Variants in YES1 observed in about 807,000 individuals in gnomAD.
YES1 encodes the protein tyrosine-protein kinase Yes.
Under a neutral mutation model 70.4 loss-of-function variants are expected in YES1, and 39 were observed. The observed-to-expected ratio is 0.55, with a 90% CI of 0.43 to 0.72. YES1 has a LOEUF of 0.72. Ranked by LOEUF, YES1 falls within the 30% of genes least tolerant of loss-of-function variation. The pLI, the probability that YES1 is intolerant of heterozygous loss-of-function variation, is 0.00. For missense variants in YES1, 495 were observed against 644.8 expected, an observed-to-expected ratio of 0.77 and a Z score of 2.52; for synonymous variants, 198 against 218.6, an observed-to-expected ratio of 0.91 and a Z score of 0.83.
At chr18:746,855 A>G (rs569071351) in intron 4 of YES1, among the ~76,000 whole-genome samples, 2 of 152,278 alleles carry the variant, frequency 1.3e-5, no homozygotes, top group South Asian at 2.1e-4. Context: ...AGGTTCCCCA[A>G]TGGCTAACAT....
chr18:743,161 C>A, intron 7 of YES1, 64 bp from the exon 8 acceptor site: 3 of 1,547,616 alleles, frequency 1.9e-6, no homozygotes, highest in Non-Finnish European at 2.6e-6. Flanking sequence ...CTTCAGTGAA[C>A]AGCACTTCTC....
At chr18:779,222 G>A (rs1180855240) in intron 1 of YES1, among the ~76,000 whole-genome samples, 2 of 151,852 alleles carry the variant, frequency 1.3e-5, no homozygotes, top group Admixed American at 1.3e-4. Flanking sequence ...GGCAACAAAA[G>A]GAGACCCCCG....
rs561972515 is a variant in YES1 at position 800,045 on chromosome 18, G to A, written c.-9+12069C>T. ...TTTAACATTTACAAGCTATTAAACT[G>A]CATCAAACCTTAGTTTCTCCATCAG... On this transcript the variant is annotated intron_variant, in intron 1 of 11. Coordinates refer to ENST00000314574, the MANE Select transcript of YES1 (RefSeq NM_005433.4). Among the ~76,000 whole-genome samples the A allele has an allele frequency of 3.9e-5, 6 of 152,308 alleles. No homozygotes were observed. The East Asian group carries it at 1.2e-3, about 29-fold the overall frequency.
chr18:736,946 C>T lies in YES1; in HGVS notation c.1153G>A (p.Ala385Thr). ...ATATAGTTCATTCTTTCAATATATGCCATACCATCAGCAATCTTGGAAAGA... is the reference window on the plus strand; with the variant it reads ...ATATAGTTCATTCTTTCAATATATGTCATACCATCAGCAATCTTGGAAAGA... ...DMAAQIADGM[A>T]YIERMNYIHR... The change falls in exon 10 of 12, where the codon GCA becomes ACA. Residue 385 changes from alanine to threonine, a missense_variant. Physicochemically the swap from Ala to Thr is moderately conservative, Grantham distance 58. Around this residue, in one of 2 missense-constraint regions of YES1, gnomAD observed 385 missense variants for 540.9 expected, o/e 0.71. Transcript: ENST00000314574. 2 of 1,607,124 alleles carry T rather than the reference C, an allele frequency of 1.2e-6. No individual in the cohort carries two copies. The highest frequency in any genetic ancestry group is 8.5e-7 in the Non-Finnish European group (1 of 1,179,168).
At chr18:791,035 G>C (rs560385698) in intron 1 of YES1, among the ~76,000 whole-genome samples, 3 of 151,994 alleles carry the variant, frequency 2.0e-5, no homozygotes, top group African/African-American at 4.8e-5. Flanking sequence ...GGATCATCTG[G>C]GGTCAAGAGT....
chr18:754,712 CA>C (rs35530008), intron 2 of YES1, among the ~76,000 whole-genome samples: 77,517 of 135,252 alleles, frequency 0.57, 21,529 homozygotes, highest in East Asian at 0.69. Flanking sequence ...ACTCCAACTC[CA>C]AAAAAAAAAA....
At chr18:771,302 G>A (rs781542012) in intron 1 of YES1, among the ~76,000 whole-genome samples, 2 of 152,050 alleles carry the variant, frequency 1.3e-5, no homozygotes, top group East Asian at 3.8e-4. Flanking sequence ...AGGAGGCGGA[G>A]GTTGCAGTGA....
intron 1 of YES1, among the ~76,000 whole-genome samples, chr18:785,519 T>C (rs888252943): frequency 6.6e-6 from 1 of 152,174 alleles, no homozygotes; most frequent in African/African-American, 2.4e-5. Flanking sequence ...ATTCTGGTAG[T>C]AGGGCTGTGG....
intron 2 of YES1, among the ~76,000 whole-genome samples, chr18:754,841 T>A (rs1279721792): frequency 6.6e-6 from 1 of 152,162 alleles, no homozygotes; most frequent in Non-Finnish European, 1.5e-5. Context: ...TAATCATCCA[T>A]CCTGTTTAGC....
chr18:758,115 AAG>A (rs1904387960), intron 1 of YES1, among the ~76,000 whole-genome samples: 1 of 152,212 alleles, frequency 6.6e-6, no homozygotes, highest in African/African-American at 2.4e-5. Flanking sequence ...AAAAAATACA[AAG>A]AAACAGGTAA....
intron 1 of YES1, among the ~76,000 whole-genome samples, chr18:787,362 A>C (rs368807660): frequency 1.9e-4 from 29 of 151,264 alleles, no homozygotes; most frequent in African/African-American, 6.8e-4. Flanking sequence ...GCCTCCCAAA[A>C]TGCTGGGGTA....
intron 1 of YES1, among the ~76,000 whole-genome samples, chr18:780,277 T>C (rs982798763): frequency 6.6e-6 from 1 of 152,070 alleles, no homozygotes; most frequent in African/African-American, 2.4e-5. Context: ...TGTGGCAGTA[T>C]TGAAAGGGAG....
At chr18:746,588 A>G (rs931072453) in intron 4 of YES1, among the ~76,000 whole-genome samples, 1 of 152,242 alleles carries the variant, frequency 6.6e-6, no homozygotes, top group Non-Finnish European at 1.5e-5. Flanking sequence ...AAAAGTAAGA[A>G]GCACCATAGT....
At chr18:771,710 G>A (rs1905165199) in intron 1 of YES1, among the ~76,000 whole-genome samples, 1 of 152,050 alleles carries the variant, frequency 6.6e-6, no homozygotes, top group Admixed American at 6.6e-5. Context: ...CATGATGCCT[G>A]GCTAATTTTT....
intron 1 of YES1, among the ~76,000 whole-genome samples, chr18:796,976 G>GACAAA (rs1250557701): frequency 1.3e-5 from 2 of 151,922 alleles, no homozygotes; most frequent in African/African-American, 4.8e-5. Flanking sequence ...TGACTTGTAA[G>GACAAA]ACAAAACAAA....
At chr18:728,339 A>T (rs2145665342) in intron 11 of YES1, among the ~76,000 whole-genome samples, 1 of 149,740 alleles carries the variant, frequency 6.7e-6, no homozygotes, top group South Asian at 2.1e-4. Flanking sequence ...AAAAAAATTC[A>T]TTTATGTTTC....
At chr18:777,906 TA>T (rs1173183113) in intron 1 of YES1, among the ~76,000 whole-genome samples, 1 of 152,198 alleles carries the variant, frequency 6.6e-6, no homozygotes, top group Non-Finnish European at 1.5e-5. Context: ...GAAATAAGTT[TA>T]TAATGTATCT....
chr18:790,907 G>A (rs1268169831), intron 1 of YES1, among the ~76,000 whole-genome samples: 1 of 152,048 alleles, frequency 6.6e-6, no homozygotes, highest in Non-Finnish European at 1.5e-5. Context: ...CTGTTACCGA[G>A]GTTTCTCAGA....
rs1485330151 is a variant in YES1 at position 722,231 on chromosome 18, G to A, written c.*2193C>T. ...ATCTCATGTCACAAGTTGTTGATAA[G>A]AGGAAATAATGACAGCACTCTTCTT... On this transcript the variant is annotated 3_prime_UTR_variant, in exon 12 of 12. Coordinates refer to ENST00000314574, the MANE Select transcript of YES1 (RefSeq NM_005433.4). 1 of 152,594 alleles carries A rather than the reference G, an allele frequency of 6.6e-6. No homozygotes were observed. Among genetic ancestry groups the A allele is most frequent in the Non-Finnish European group, 1.5e-5 (1 of 68,032 alleles). 9.5% of individuals were successfully genotyped at this position (152,594 alleles called of 1,614,324 possible). A position where few individuals can be genotyped will look rare whatever the true frequency, so the allele number is the denominator to read the frequency against.
Sources: gnomAD v4.1 joint callset for allele counts (sites outside exome capture counted in the v4.1 genomes callset) on GRCh38, gnomAD v4.1.1 for gene constraint, gnomAD v4.1.1 regional missense constraint, MANE v1.5 for transcripts, NCBI Gene and HGNC (gene_info 2026-07-23, HGNC 2026-07-21) for gene names.